The following ATP2B4 variants were observed in gnomAD, a reference collection of about 807,000 sequenced individuals.
The protein encoded by ATP2B4 is plasma membrane calcium-transporting ATPase 4.
ATP2B4 carries 39 observed loss-of-function variants against 110.3 expected under a neutral mutation model. The ratio of observed to expected loss-of-function variants is 0.35; its 90% CI spans 0.27 to 0.46. ATP2B4 has a LOEUF of 0.46. Among genes scored for constraint, ATP2B4 ranks in the 20% least tolerant of loss-of-function variants. The pLI is 1.00. For missense variants in ATP2B4, 1,135 were observed against 1,530.9 expected (o/e 0.74, Z 4.32); for synonymous variants, 538 against 571.7 (o/e 0.94, Z 0.84).
At chr1:203,647,191 G>C (rs1291189830) in intron 1 of ATP2B4, among the ~76,000 whole-genome samples, 1 of 152,116 alleles carries the variant, frequency 6.6e-6, no homozygotes, top group Non-Finnish European at 1.5e-5. Context: ...TGTAATCCCA[G>C]CACTTTGGGA....
intron 19 of ATP2B4, among the ~76,000 whole-genome samples, chr1:203,727,036 G>C (rs186278743): frequency 1.0e-3 from 158 of 152,182 alleles, no homozygotes; most frequent in African/African-American, 3.6e-3. Context: ...TTCCTACTGC[G>C]TACCATGCTG....
intron 1 of ATP2B4, among the ~76,000 whole-genome samples, chr1:203,641,586 C>A (rs1663630554): frequency 6.6e-6 from 1 of 152,144 alleles, no homozygotes; most frequent in Non-Finnish European, 1.5e-5. Flanking sequence ...ATAGTACTAA[C>A]CATTTTTGAA....
intron 2 of ATP2B4, among the ~76,000 whole-genome samples, chr1:203,692,987 G>A (rs1665429880): frequency 6.6e-6 from 1 of 152,180 alleles, no homozygotes; most frequent in South Asian, 2.1e-4. Flanking sequence ...CACTCTGGGT[G>A]GGGCTTTCTC....
intron 1 of ATP2B4, among the ~76,000 whole-genome samples, chr1:203,660,064 A>C (rs1664287783): frequency 6.6e-6 from 1 of 151,172 alleles, no homozygotes; most frequent in Non-Finnish European, 1.5e-5. Flanking sequence ...CCTGGGCGGC[A>C]GAGCAAGACT....
chr1:203,687,806 A>G (rs1340339069), intron 2 of ATP2B4, among the ~76,000 whole-genome samples: 1 of 152,158 alleles, frequency 6.6e-6, no homozygotes, highest in East Asian at 1.9e-4. Flanking sequence ...GCAGTAGCTC[A>G]TGCATGTAGT....
At position 203,739,751 on chromosome 1, in the gene ATP2B4, AG is replaced by A. The variant is rs1381785619; in HGVS notation, c.3517del (p.Val1173SerfsTer29). 1 of 1,614,062 alleles carries A rather than the reference AG, an allele frequency of 6.2e-7. No individual in the cohort carries two copies. Among genetic ancestry groups the A allele is most frequent in the African/African-American group, 1.3e-5 (1 of 74,924 alleles). On this transcript the variant is annotated frameshift_variant, in exon 21 of 21. Coordinates refer to ENST00000357681, the MANE Select transcript of ATP2B4 (RefSeq NM_001684.5). LOFTEE classifies it high-confidence loss of function. ...FGTRVLLLDG[E>X]VTPYANTNNN... ...ACTAGGGTGCTCCTGTTGGATGGTG[AG>A]GTCACTCCATATGCCAATACAAACA...
At chr1:203,693,610 A>G (rs1055960969) in intron 2 of ATP2B4, among the ~76,000 whole-genome samples, 2 of 152,190 alleles carry the variant, frequency 1.3e-5, no homozygotes, top group Non-Finnish European at 2.9e-5. Flanking sequence ...GAAAGGTTTT[A>G]TTGAGTACAA....
intron 20 of ATP2B4, among the ~76,000 whole-genome samples, 200 bp from the exon 21 acceptor site, chr1:203,739,346 C>T: frequency 6.6e-6 from 1 of 151,944 alleles, no homozygotes; most frequent in East Asian, 1.9e-4. Flanking sequence ...CACCCCAGCC[C>T]ACCCCACTGC....
At chr1:203,690,333 A>G (rs1404363588) in intron 2 of ATP2B4, among the ~76,000 whole-genome samples, 4 of 152,304 alleles carry the variant, frequency 2.6e-5, no homozygotes, top group African/African-American at 9.6e-5. Context: ...AAAATTGAGT[A>G]CATATCCCAA....
intron 2 of ATP2B4, among the ~76,000 whole-genome samples, 170 bp from the exon 3 acceptor site, chr1:203,697,987 G>A (rs1665581674): frequency 6.6e-6 from 1 of 151,712 alleles, no homozygotes; most frequent in Admixed American, 6.6e-5. Context: ...TTACAGACGT[G>A]AGATACCATG....
At chr1:203,645,588 T>G (rs946937065) in intron 1 of ATP2B4, among the ~76,000 whole-genome samples, 77 of 151,718 alleles carry the variant, frequency 5.1e-4, no homozygotes, top group Admixed American at 2.0e-4. Flanking sequence ...TCCCTTTTCT[T>G]TCTTTTTTTT....
In ATP2B4 at chr1:203,629,438, T is replaced by C. The variant is rs1021289150; in HGVS notation, c.-465+2219T>C. Among the ~76,000 whole-genome samples, 2 of 152,152 alleles carry C rather than the reference T, an allele frequency of 1.3e-5. No individual in the cohort carries two copies. The highest frequency in any genetic ancestry group is 4.8e-5 in the African/African-American group (2 of 41,450). ...GCCTTCCTATTTTCAGTAATCTGATTAGGGGTCGATGTTGGTGGGCTCGGG... is the reference window on the plus strand; with the variant it reads ...GCCTTCCTATTTTCAGTAATCTGATCAGGGGTCGATGTTGGTGGGCTCGGG... On this transcript the variant is annotated intron_variant, in intron 1 of 20. Transcript: ENST00000357681. The surrounding 1 kb of genome is among the most constrained non-coding windows in gnomAD (Gnocchi z 4.6).
chr1:203,657,734 T>A, intron 1 of ATP2B4: 1 of 724,090 alleles, frequency 1.4e-6, no homozygotes, highest in East Asian at 2.5e-5. Context: ...GTTTATGGTG[T>A]AATTCAATAT....
chr1:203,705,936 T>C (rs1665835963), intron 8 of ATP2B4, among the ~76,000 whole-genome samples: 1 of 152,204 alleles, frequency 6.6e-6, no homozygotes, highest in African/African-American at 2.4e-5. Context: ...AAGAATTTGC[T>C]TTCATTGATA....
At chr1:203,706,868 G>C in intron 8 of ATP2B4, 141 bp from the exon 9 acceptor site, 3 of 678,344 alleles carry the variant, frequency 4.4e-6, no homozygotes, top group Non-Finnish European at 7.6e-6. Context: ...ACAGAGAATG[G>C]GGGGGATTTT....
At chr1:203,671,440 C>T (rs941750243) in intron 1 of ATP2B4, among the ~76,000 whole-genome samples, 13 of 152,182 alleles carry the variant, frequency 8.5e-5, no homozygotes, top group African/African-American at 2.7e-4. Context: ...CGATTATAGG[C>T]GTGAGCCACC....
chr1:203,713,055 G>A (rs558798153), intron 13 of ATP2B4, 110 bp from the exon 14 acceptor site: 2 of 1,119,096 alleles, frequency 1.8e-6, no homozygotes, highest in Admixed American at 1.8e-5. Context: ...TTTCATGTGG[G>A]ACTGTGGTGT....
chr1:203,679,043 T>A (rs1401808461), intron 1 of ATP2B4, among the ~76,000 whole-genome samples: 3 of 152,028 alleles, frequency 2.0e-5, no homozygotes, highest in Non-Finnish European at 2.9e-5. Flanking sequence ...GATGAGAGAG[T>A]TAGCTCTTCT....
intron 20 of ATP2B4, among the ~76,000 whole-genome samples, chr1:203,732,005 T>C (rs1379566992): frequency 6.6e-6 from 1 of 151,162 alleles, no homozygotes; most frequent in Non-Finnish European, 1.5e-5. Flanking sequence ...AGTGAAACCC[T>C]GTCACTACTT....
Sources: gnomAD v4.1 joint callset for allele counts (sites outside exome capture counted in the v4.1 genomes callset) on GRCh38, gnomAD v4.1.1 for gene constraint, Gnocchi (gnomAD v3.1) non-coding constraint, MANE v1.5 for transcripts, NCBI Gene and HGNC (gene_info 2026-07-23, HGNC 2026-07-21) for gene names.